Variants in PHC3 observed in about 807,000 individuals in gnomAD.
PHC3 encodes the protein polyhomeotic-like protein 3.
A neutral mutation model predicts 107.4 loss-of-function variants in PHC3; 13 were observed. The observed-to-expected ratio is 0.12, with a 90% CI of 0.08 to 0.19. PHC3 has a LOEUF of 0.19. PHC3 is among the 10% of genes least tolerant of loss of function. The pLI is 1.00. For missense variants in PHC3, 992 were observed against 1,210.9 expected, an observed-to-expected ratio of 0.82 and a Z score of 2.68; for synonymous variants, 456 against 427.4, an observed-to-expected ratio of 1.07 and a Z score of -0.83.
chr3:170,124,745 C>T (rs1164557343), intron 8 of PHC3, among the ~76,000 whole-genome samples: 1 of 152,094 alleles, frequency 6.6e-6, no homozygotes, highest in Non-Finnish European at 1.5e-5. Context: ...CATTTTTAAT[C>T]AAACTATTTT....
At chr3:170,155,113 G>C (rs1044597615) in intron 4 of PHC3, among the ~76,000 whole-genome samples, 6 of 152,150 alleles carry the variant, frequency 3.9e-5, no homozygotes, top group Non-Finnish European at 7.4e-5. Flanking sequence ...AAAGAAACAA[G>C]TCTGCCAGAA....
intron 8 of PHC3, among the ~76,000 whole-genome samples, chr3:170,126,528 A>ATATATATATTTTTTTT (rs370421296): frequency 1.1e-5 from 1 of 90,638 alleles, no homozygotes; most frequent in African/African-American, 4.5e-5. Context: ...ATATATATAT[A>ATATATATATTTTTTTT]TTTTTTTTTT....
intron 4 of PHC3, among the ~76,000 whole-genome samples, chr3:170,163,745 C>T (rs1467621134): frequency 6.6e-6 from 1 of 151,372 alleles, no homozygotes; most frequent in Non-Finnish European, 1.5e-5. Context: ...CGCCTGTAAT[C>T]CCAGCTATTC....
At chr3:170,110,753 A>G (rs1717482495) in intron 11 of PHC3, among the ~76,000 whole-genome samples, 1 of 152,230 alleles carries the variant, frequency 6.6e-6, no homozygotes, top group Admixed American at 6.5e-5. Flanking sequence ...AGTCTAACAT[A>G]TACTATATGT....
At chr3:170,176,781 G>A (rs1476314427) in intron 2 of PHC3, 1 of 361,422 alleles carries the variant, frequency 2.8e-6, no homozygotes, top group African/African-American at 2.1e-5. Context: ...CCTATAATGT[G>A]CCTTACACAG....
intron 12 of PHC3, among the ~76,000 whole-genome samples, chr3:170,105,742 AATT>A (rs1560024846): frequency 6.6e-6 from 1 of 152,240 alleles, no homozygotes; most frequent in Non-Finnish European, 1.5e-5. Flanking sequence ...TTGAAAGAAT[AATT>A]ACCTTTTTGA....
At chr3:170,150,549 A>C in intron 4 of PHC3, 1 of 167,672 alleles carries the variant, frequency 6.0e-6, no homozygotes, top group Non-Finnish European at 1.2e-5. Context: ...AAAAAAAAAA[A>C]AAAAATTAAA....
At chr3:170,132,130 T>A (rs1176046420) in intron 7 of PHC3, among the ~76,000 whole-genome samples, 1 of 152,212 alleles carries the variant, frequency 6.6e-6, no homozygotes, top group Non-Finnish European at 1.5e-5. Flanking sequence ...TTAATAAACA[T>A]CTTATTGTCA....
At chr3:170,167,759 CAA>C (rs5854368) in intron 4 of PHC3, among the ~76,000 whole-genome samples, 24 of 132,362 alleles carry the variant, frequency 1.8e-4, no homozygotes, top group Non-Finnish European at 2.1e-4. Flanking sequence ...GGCTTCATCT[CAA>C]AAAAAAAAAA....
intron 5 of PHC3, among the ~76,000 whole-genome samples, chr3:170,146,160 A>G (rs990786202): frequency 1.3e-5 from 2 of 152,162 alleles, no homozygotes. Context: ...GGATCACTGG[A>G]GGTCAGGAGT....
intron 12 of PHC3, among the ~76,000 whole-genome samples, chr3:170,105,441 G>A (rs1292317367): frequency 6.6e-6 from 1 of 151,902 alleles, no homozygotes; most frequent in Non-Finnish European, 1.5e-5. Context: ...TAACCTATAC[G>A]AAATAAAATA....
chr3:170,115,007 T>C (rs947286151), intron 10 of PHC3, among the ~76,000 whole-genome samples: 5 of 152,124 alleles, frequency 3.3e-5, no homozygotes, highest in Non-Finnish European at 7.4e-5. Flanking sequence ...CACAGATGAA[T>C]AAATTTAAAT....
chr3:170,167,722 T>C (rs1343909293), intron 4 of PHC3, among the ~76,000 whole-genome samples: 2 of 147,162 alleles, frequency 1.4e-5, no homozygotes, highest in African/African-American at 5.1e-5. Flanking sequence ...ATCACACCAC[T>C]GCACTCCAGC....
At chr3:170,138,733 A>C (rs542109763) in intron 6 of PHC3, among the ~76,000 whole-genome samples, 115 of 151,814 alleles carry the variant, frequency 7.6e-4, no homozygotes, top group African/African-American at 2.7e-3. Context: ...AAATATTAGA[A>C]TCTAGATTTC....
Position 170,149,216 on chromosome 3 carries a change from G to T in PHC3, c.443C>A (p.Ala148Glu), listed in dbSNP as rs1170388946. The part of the protein sequence containing the change: ...SINLSTSPTP[A>E]QLISRSQASS... ...AGCCTGGGAACGGCTTATTAACTGT[G>T]CAGGTGTAGGAGAAGTGGAGAGGTT... Residue 148 changes from alanine to glutamate, a missense_variant, in exon 5 of 15, where the codon GCA becomes GAA. This residue lies in a region of PHC3 where 161 missense variants were observed against 183.7 expected (regional missense o/e 0.88). Coordinates refer to ENST00000495893, the MANE Select transcript of PHC3 (RefSeq NM_024947.4). 7 of 1,612,646 alleles carry T rather than the reference G, an allele frequency of 4.3e-6. No homozygotes were observed. The highest frequency in any genetic ancestry group is 1.7e-5 in the Admixed American group (1 of 59,936).
At chr3:170,119,976 C>T (rs1450263099) in intron 9 of PHC3, among the ~76,000 whole-genome samples, 2 of 152,170 alleles carry the variant, frequency 1.3e-5, no homozygotes, top group African/African-American at 4.8e-5. Context: ...GGATCTCAGA[C>T]TACATTCCTG....
chr3:170,181,234 T>C (rs1039437144), intron 1 of PHC3, among the ~76,000 whole-genome samples: 1 of 152,120 alleles, frequency 6.6e-6, no homozygotes, highest in African/African-American at 2.4e-5. Flanking sequence ...ATTCTCCCGC[T>C]GAGGAGGAGT....
At chr3:170,122,529 C>A in intron 9 of PHC3, 62 bp downstream of exon 9, 1 of 1,556,330 alleles carries the variant, frequency 6.4e-7, no homozygotes, top group Non-Finnish European at 8.9e-7. Context: ...AAAAAATCAA[C>A]TTTTCCTATT....
rs549107549 is a variant in PHC3, at chr3:170,092,335, G to A, written c.*4895C>T. The A allele has an allele frequency of 6.6e-6, 1 of 152,290 alleles. No individual in the cohort carries two copies. Among genetic ancestry groups the A allele is most frequent in the Admixed American group, 6.5e-5 (1 of 15,292 alleles). 9.4% of individuals were successfully genotyped at this position (152,290 alleles called of 1,614,324 possible). On this transcript the variant is annotated 3_prime_UTR_variant, in exon 15 of 15. Coordinates refer to ENST00000495893, the MANE Select transcript of PHC3 (RefSeq NM_024947.4). The stretch of plus-strand genomic sequence containing the variant: ...TCTTTTAAGATATACAGCTTAACAA[G>A]TTGAAATTTTAGTAAGATTGCATAT...
Sources: allele counts gnomAD v4.1 joint callset (sites outside exome capture counted in the v4.1 genomes callset), GRCh38; gene constraint gnomAD v4.1.1; regional missense constraint gnomAD v4.1.1; transcripts MANE v1.5; gene names NCBI Gene and HGNC (gene_info 2026-07-23, HGNC 2026-07-21).